ALK: variants seen among roughly 807,000 people sequenced by gnomAD.
ALK encodes ALK tyrosine kinase receptor.
Under a neutral mutation model 163.1 loss-of-function variants are expected in ALK, and 74 were observed. That is an observed-to-expected ratio of 0.45 (90% CI 0.38 to 0.55). The LOEUF (loss-of-function observed/expected upper bound fraction) is 0.55. Ranked by LOEUF, ALK falls within the 20% of genes least tolerant of loss-of-function variation. ALK has a pLI of 0.00. For synonymous variants in ALK, 960 were observed against 843.2 expected, an observed-to-expected ratio of 1.14 and a Z score of -2.40; for missense variants, 2,063 against 2,105.3, an observed-to-expected ratio of 0.98 and a Z score of 0.39.
chr2:29,493,100 G>A (rs1462519326), intron 4 of ALK, among the ~76,000 whole-genome samples: 1 of 152,174 alleles, frequency 6.6e-6, no homozygotes, highest in Admixed American at 6.5e-5. Flanking sequence ...ATGTGGATTA[G>A]TTGATAACAG....
chr2:29,573,197 C>T (rs1046907440), intron 3 of ALK, among the ~76,000 whole-genome samples: 4 of 152,184 alleles, frequency 2.6e-5, no homozygotes, highest in Admixed American at 6.5e-5. Flanking sequence ...CTAGAGCATC[C>T]CTCAGAGCAC....
At chr2:29,915,231 A>C (rs910023637) in intron 1 of ALK, among the ~76,000 whole-genome samples, 4 of 152,120 alleles carry the variant, frequency 2.6e-5, no homozygotes, top group Admixed American at 6.5e-5. Context: ...CCTGATTTTC[A>C]GCAGACCAAC....
At chr2:29,635,177 T>C (rs1676484426) in intron 3 of ALK, among the ~76,000 whole-genome samples, 1 of 152,202 alleles carries the variant, frequency 6.6e-6, no homozygotes, top group East Asian at 1.9e-4. Flanking sequence ...GGATTGGAAG[T>C]CTTAATATAG....
chr2:29,680,839 A>C (rs1678042060), intron 3 of ALK, among the ~76,000 whole-genome samples: 1 of 152,024 alleles, frequency 6.6e-6, no homozygotes, highest in Non-Finnish European at 1.5e-5. Flanking sequence ...CCCTCTGAAG[A>C]CTGCCATAGG....
intron 4 of ALK, among the ~76,000 whole-genome samples, chr2:29,469,822 G>A (rs1396639895): frequency 6.6e-6 from 1 of 152,076 alleles, no homozygotes; most frequent in Non-Finnish European, 1.5e-5. Flanking sequence ...AAACTTCTCT[G>A]AAGAACAACA....
intron 4 of ALK, among the ~76,000 whole-genome samples, chr2:29,391,058 C>A (rs1669157078): frequency 1.3e-5 from 2 of 151,688 alleles, no homozygotes; most frequent in African/African-American, 4.9e-5. Flanking sequence ...GTAGGGGGGG[C>A]CAAGGCAGGG....
At chr2:29,660,826 T>C (rs1677324931) in intron 3 of ALK, among the ~76,000 whole-genome samples, 2 of 152,130 alleles carry the variant, frequency 1.3e-5, no homozygotes. Flanking sequence ...TTTCATAACT[T>C]ATGTCTCTTC....
At chr2:29,236,645 G>A (rs1414221863) in intron 13 of ALK, among the ~76,000 whole-genome samples, 6 of 152,002 alleles carry the variant, frequency 3.9e-5, no homozygotes, top group East Asian at 1.9e-4. Context: ...AGGAGCTGCC[G>A]CCCTTTCCTC....
intron 1 of ALK, among the ~76,000 whole-genome samples, chr2:29,726,813 G>T (rs1015761622): frequency 6.6e-6 from 1 of 152,186 alleles, no homozygotes; most frequent in Admixed American, 6.5e-5. Context: ...AACAACTTTG[G>T]TAGTTAACCT....
At chr2:29,811,722 CT>C (rs1664766111) in intron 1 of ALK, among the ~76,000 whole-genome samples, 1 of 152,226 alleles carries the variant, frequency 6.6e-6, no homozygotes, top group Admixed American at 6.5e-5. Flanking sequence ...TGTAATCTTT[CT>C]GCTCCTCCAT....
intron 9 of ALK, among the ~76,000 whole-genome samples, chr2:29,277,615 T>C (rs1290234772): frequency 6.6e-6 from 1 of 152,222 alleles, no homozygotes; most frequent in Non-Finnish European, 1.5e-5. Context: ...ATCACTGGGG[T>C]TGGCCCTTCA....
intron 3 of ALK, among the ~76,000 whole-genome samples, chr2:29,667,566 C>T (rs1677552297): frequency 6.6e-6 from 1 of 151,646 alleles, no homozygotes; most frequent in Admixed American, 6.6e-5. Flanking sequence ...GTGGAGTCCT[C>T]AGGTTTTTCT....
chr2:29,871,275 G>A (rs376150769), intron 1 of ALK, among the ~76,000 whole-genome samples: 48 of 152,230 alleles, frequency 3.2e-4, no homozygotes, highest in African/African-American at 8.4e-4. Flanking sequence ...AGGCTCTCCC[G>A]GGTTATCTCC....
chr2:29,658,037 G>A (rs1187536438), intron 3 of ALK, among the ~76,000 whole-genome samples: 1 of 152,250 alleles, frequency 6.6e-6, no homozygotes, highest in East Asian at 1.9e-4. Flanking sequence ...CCTGTTCCGG[G>A]AGGAGAAGGG....
intron 3 of ALK, among the ~76,000 whole-genome samples, chr2:29,619,550 G>T (rs1471208968): frequency 6.6e-6 from 1 of 152,128 alleles, no homozygotes; most frequent in Non-Finnish European, 1.5e-5. Context: ...CCTCTTCAGT[G>T]TCACTGACGA....
chr2:29,342,877 C>CTTTTTTTT (rs57838065), intron 5 of ALK, among the ~76,000 whole-genome samples: 36 of 90,436 alleles, frequency 4.0e-4, no homozygotes, highest in East Asian at 6.6e-4. Flanking sequence ...GCTCAGTGAT[C>CTTTTTTTT]TTTTTTTTTT....
At chr2:29,883,536 G>A (rs987080478) in intron 1 of ALK, among the ~76,000 whole-genome samples, 1 of 152,174 alleles carries the variant, frequency 6.6e-6, no homozygotes, top group African/African-American at 2.4e-5. Flanking sequence ...CCCCAACTGT[G>A]TCTAGCATAA....
intron 3 of ALK, among the ~76,000 whole-genome samples, chr2:29,620,616 C>A (rs544493161): frequency 6.6e-6 from 1 of 152,046 alleles, no homozygotes; most frequent in Non-Finnish European, 1.5e-5. Context: ...CATGGCACTA[C>A]GTAAATCAGC....
chr2:29,638,038 C>G lies in ALK; in HGVS notation c.952+56812G>C, dbSNP rs541770726. ...ATAAGCAGAGCTCTAGTGTTCAGAT[C>G]AGAGCTTTTTAGAGGGCTGTGGAAT... On this transcript the variant is annotated intron_variant, in intron 3 of 28. Transcript: ENST00000389048. Among the ~76,000 whole-genome samples the G allele has an allele frequency of 2.0e-5, 3 of 152,056 alleles. 1 individual carries two copies. In the South Asian group the frequency reaches 6.2e-4, roughly 32 times the overall value.
Sources: gnomAD v4.1 joint callset for allele counts (sites outside exome capture counted in the v4.1 genomes callset) on GRCh38, gnomAD v4.1.1 for gene constraint, MANE v1.5 for transcripts, NCBI Gene and HGNC (gene_info 2026-07-23, HGNC 2026-07-21) for gene names.